NDUFAF2: variants seen among roughly 807,000 people sequenced by gnomAD.
NDUFAF2 encodes the protein NADH:ubiquinone oxidoreductase complex assembly factor 2.
A neutral mutation model predicts 22.8 loss-of-function variants in NDUFAF2; 13 were observed. The observed-to-expected ratio is 0.57, with a 90% CI of 0.37 to 0.91. NDUFAF2 has a LOEUF of 0.91. Among genes scored for constraint, NDUFAF2 ranks in the 40% least tolerant of loss-of-function variants. NDUFAF2 has a pLI of 0.01. For missense variants in NDUFAF2, 162 were observed against 195.2 expected (o/e 0.83, Z 1.01); for synonymous variants, 53 against 64.2 (o/e 0.83, Z 0.84).
At chr5:61,053,283 C>T (rs1561552085) in intron 1 of NDUFAF2, among the ~76,000 whole-genome samples, 1 of 152,164 alleles carries the variant, frequency 6.6e-6, no homozygotes, top group East Asian at 1.9e-4. Context: ...TTTTTAGAGT[C>T]TGTTTGTTAC....
chr5:60,961,489 G>A (rs1263928523), intron 1 of NDUFAF2, among the ~76,000 whole-genome samples: 3 of 151,778 alleles, frequency 2.0e-5, no homozygotes, highest in African/African-American at 4.8e-5. Context: ...CAGCTACTCC[G>A]GAGGCTGAGG....
At chr5:61,002,585 A>G (rs1381810510) in intron 1 of NDUFAF2, among the ~76,000 whole-genome samples, 2 of 152,156 alleles carry the variant, frequency 1.3e-5, no homozygotes, top group Admixed American at 1.3e-4. Flanking sequence ...ATAGTTGCCT[A>G]TTTTCCCTTT....
chr5:60,966,238 ATTGT>A (rs1387552740), intron 1 of NDUFAF2, among the ~76,000 whole-genome samples: 4 of 151,914 alleles, frequency 2.6e-5, no homozygotes, highest in African/African-American at 7.3e-5. Context: ...TTCCTGTTGA[ATTGT>A]TTAAGTTCCT....
intron 2 of NDUFAF2, among the ~76,000 whole-genome samples, chr5:61,098,179 C>T (rs893043959): frequency 6.6e-6 from 1 of 152,164 alleles, no homozygotes. Flanking sequence ...TTCACAACAA[C>T]CCTGAAGTGT....
chr5:61,059,412 A>T (rs1223830578), intron 1 of NDUFAF2, among the ~76,000 whole-genome samples: 1 of 152,058 alleles, frequency 6.6e-6, no homozygotes, highest in Non-Finnish European at 1.5e-5. Flanking sequence ...TTGAAATTTT[A>T]TTTGTGGCTT....
chr5:60,969,928 AT>A (rs1353263988), intron 1 of NDUFAF2, among the ~76,000 whole-genome samples: 5 of 151,872 alleles, frequency 3.3e-5, no homozygotes, highest in African/African-American at 9.7e-5. Flanking sequence ...GTCTAATTTC[AT>A]TTTTCTGCAT....
chr5:61,039,882 ATT>A (rs1326516936), intron 1 of NDUFAF2, among the ~76,000 whole-genome samples: 1 of 152,162 alleles, frequency 6.6e-6, no homozygotes. Flanking sequence ...TATGAACTAA[ATT>A]TTGAGGAGCC....
chr5:61,059,342 A>G (rs1752136151), intron 1 of NDUFAF2, among the ~76,000 whole-genome samples: 1 of 152,096 alleles, frequency 6.6e-6, no homozygotes, highest in African/African-American at 2.4e-5. Flanking sequence ...AAGCACAAAC[A>G]CAAATTTACA....
intron 3 of NDUFAF2, chr5:61,114,566 T>G (rs1035271195): frequency 6.6e-6 from 1 of 152,222 alleles, no homozygotes; most frequent in Non-Finnish European, 1.5e-5. Context: ...TGAGGTTTTG[T>G]TTTCCTGGAT....
In NDUFAF2 at chr5:61,151,812, C is replaced by A. The variant is rs904698329; in HGVS notation, c.259-892C>A. Among the ~76,000 whole-genome samples the A allele has an allele frequency of 1.2e-3, 181 of 150,414 alleles. 1 individual carries two copies. The highest frequency in any genetic ancestry group is 4.1e-3 in the African/African-American group (169 of 40,988). The stretch of plus-strand genomic sequence containing the variant: ...TCCGTCTCAAAAAAACAAAAAAAAA[C>A]CAAAACAAACAACAACAACAACAAA... On this transcript the variant is annotated intron_variant, in intron 3 of 3. Transcript: ENST00000296597.
intron 1 of NDUFAF2, among the ~76,000 whole-genome samples, chr5:60,946,846 A>G (rs1418617560): frequency 6.6e-6 from 1 of 152,152 alleles, no homozygotes; most frequent in Non-Finnish European, 1.5e-5. Context: ...TTATGGGCCT[A>G]TAGTTTTGTC....
chr5:61,061,364 C>T (rs1236918949), intron 1 of NDUFAF2, among the ~76,000 whole-genome samples: 3 of 151,924 alleles, frequency 2.0e-5, no homozygotes, highest in Admixed American at 2.0e-4. Flanking sequence ...TTTATTTATT[C>T]ATCTATTTAT....
intron 3 of NDUFAF2, among the ~76,000 whole-genome samples, chr5:61,132,219 C>T (rs1249099374): frequency 6.6e-6 from 1 of 152,162 alleles, no homozygotes; most frequent in South Asian, 2.1e-4. Flanking sequence ...TTGGTCCCTG[C>T]CATCTCTCGA....
intron 1 of NDUFAF2, among the ~76,000 whole-genome samples, chr5:61,022,019 T>C (rs1375824804): frequency 6.6e-6 from 1 of 152,198 alleles, no homozygotes; most frequent in Non-Finnish European, 1.5e-5. Flanking sequence ...TGTTCTCTTA[T>C]GGCCTTCAAT....
chr5:61,002,862 T>G (rs1751315201), intron 1 of NDUFAF2, among the ~76,000 whole-genome samples: 1 of 152,120 alleles, frequency 6.6e-6, no homozygotes, highest in Non-Finnish European at 1.5e-5. Context: ...CTGAAGCACA[T>G]TATGACAACT....
chr5:61,056,517 T>A (rs1752092922), intron 1 of NDUFAF2, among the ~76,000 whole-genome samples: 1 of 152,158 alleles, frequency 6.6e-6, no homozygotes, highest in South Asian at 2.1e-4. Context: ...AAGATAAAAT[T>A]CATGTCATCC....
chr5:60,961,490 G>C (rs1316371247), intron 1 of NDUFAF2, among the ~76,000 whole-genome samples: 1 of 151,840 alleles, frequency 6.6e-6, no homozygotes, highest in African/African-American at 2.4e-5. Flanking sequence ...AGCTACTCCG[G>C]AGGCTGAGGC....
At chr5:61,022,925 G>A (rs1441806234) in intron 1 of NDUFAF2, among the ~76,000 whole-genome samples, 2 of 152,198 alleles carry the variant, frequency 1.3e-5, no homozygotes, top group East Asian at 1.9e-4. Flanking sequence ...GATTACCGGC[G>A]TGAACCACCA....
At chr5:61,020,228 C>T (rs949910127) in intron 1 of NDUFAF2, among the ~76,000 whole-genome samples, 10 of 151,942 alleles carry the variant, frequency 6.6e-5, no homozygotes, top group Non-Finnish European at 1.0e-4. Context: ...TTAATTACAT[C>T]GTTTTTTATT....
Sources: allele counts gnomAD v4.1 joint callset (sites outside exome capture counted in the v4.1 genomes callset), GRCh38; gene constraint gnomAD v4.1.1; transcripts MANE v1.5; gene names NCBI Gene and HGNC (gene_info 2026-07-23, HGNC 2026-07-21).